MYO9A: variants seen among roughly 807,000 people sequenced by gnomAD.
The protein encoded by MYO9A is myosin IXA.
Under a neutral mutation model 293.3 loss-of-function variants are expected in MYO9A, and 103 were observed. That is an observed-to-expected ratio of 0.35 (90% confidence interval 0.30 to 0.41). The LOEUF is 0.41. Among genes scored for constraint, MYO9A ranks in the 10% least tolerant of loss-of-function variants. MYO9A has a pLI of 1.00. For synonymous variants in MYO9A, 1,001 were observed against 1,035.7 expected (o/e 0.97, Z 0.64); for missense variants, 2,685 against 3,033.0 (o/e 0.89, Z 2.69).
intron 32 of MYO9A, among the ~76,000 whole-genome samples, chr15:71,874,325 G>A (rs1437017235): frequency 6.6e-6 from 1 of 152,108 alleles, no homozygotes; most frequent in Non-Finnish European, 1.5e-5. Context: ...TCCAGGTTTT[G>A]TAGGCCCTAA....
At chr15:71,864,744 T>C (rs575574043) in intron 32 of MYO9A, among the ~76,000 whole-genome samples, 16 of 152,314 alleles carry the variant, frequency 1.1e-4, no homozygotes, top group African/African-American at 3.8e-4. Flanking sequence ...AGTGTATTAT[T>C]CTATTTACAT....
At chr15:71,998,485 A>ACCT (rs1459291089) in intron 9 of MYO9A, among the ~76,000 whole-genome samples, 1 of 152,080 alleles carries the variant, frequency 6.6e-6, no homozygotes, top group Non-Finnish European at 1.5e-5. Flanking sequence ...GTGAAAGAAA[A>ACCT]TGTAAAAAGC....
intron 1 of MYO9A, among the ~76,000 whole-genome samples, chr15:72,057,938 A>G (rs1596482309): frequency 6.6e-6 from 1 of 152,210 alleles, no homozygotes; most frequent in African/African-American, 2.4e-5. Flanking sequence ...AGAACCCATT[A>G]TAATGGGTAG....
At chr15:71,862,426 G>T in intron 33 of MYO9A, 74 bp downstream of exon 33, 1 of 1,155,870 alleles carries the variant, frequency 8.7e-7, no homozygotes, top group Non-Finnish European at 1.3e-6. Context: ...TTATGTTAAA[G>T]GAGATATAAG....
At chr15:71,880,831 T>C (rs2056851365) in intron 28 of MYO9A, among the ~76,000 whole-genome samples, 4 of 152,118 alleles carry the variant, frequency 2.6e-5, no homozygotes, top group Admixed American at 1.3e-4. Flanking sequence ...AAAACCTGGA[T>C]AGAAATGCTT....
Position 71,879,962 on chromosome 15 carries a change from G to A in MYO9A, c.5623-125C>T, listed in dbSNP as rs375861050. 35 of 665,818 alleles carry A rather than the reference G, an allele frequency of 5.3e-5. No homozygotes were observed. In the African/African-American group the frequency reaches 5.9e-4, roughly 11 times the overall value. The allele number at this position is 665,818 out of a possible 1,614,324, so 41.2% of individuals were successfully genotyped here. On this transcript the variant is annotated intron_variant, in intron 29 of 41. Coordinates refer to ENST00000356056, the MANE Select transcript of MYO9A (RefSeq NM_006901.4). Reference sequence around the variant, plus strand: ...AAAGTGCAAGCCACAGGCTATTATAGGACTCAGGTGAAAGTTATGACTAGA... The same window carrying A: ...AAAGTGCAAGCCACAGGCTATTATAAGACTCAGGTGAAAGTTATGACTAGA...
intron 1 of MYO9A, among the ~76,000 whole-genome samples, chr15:72,107,162 A>C (rs2080598418): frequency 6.6e-6 from 1 of 152,242 alleles, no homozygotes. Flanking sequence ...AAGAATTATC[A>C]AGATGATATC....
chr15:71,999,325 C>T (rs1227184458), intron 9 of MYO9A, among the ~76,000 whole-genome samples: 1 of 151,848 alleles, frequency 6.6e-6, no homozygotes, highest in Admixed American at 6.6e-5. Flanking sequence ...CCTCAGTATA[C>T]AGATGGTATT....
At chr15:71,895,699 A>G (rs1282439879) in intron 25 of MYO9A, among the ~76,000 whole-genome samples, 1 of 152,016 alleles carries the variant, frequency 6.6e-6, no homozygotes, top group African/African-American at 2.4e-5. Context: ...GTTTAATATA[A>G]TCTAATATAT....
chr15:71,854,211 C>T (rs2055772437), intron 35 of MYO9A, among the ~76,000 whole-genome samples, 166 bp downstream of exon 35: 1 of 151,984 alleles, frequency 6.6e-6, no homozygotes, highest in Admixed American at 6.5e-5. Flanking sequence ...CCAAATGAAA[C>T]CAAAGACTCT....
At chr15:71,890,277 G>C (rs1449476156) in intron 26 of MYO9A, 3 of 152,098 alleles carry the variant, frequency 2.0e-5, no homozygotes, top group African/African-American at 7.2e-5. Flanking sequence ...AGCAGTTTGG[G>C]GGGAATAATG....
At chr15:72,046,933 A>G (rs1179025337) in intron 1 of MYO9A, among the ~76,000 whole-genome samples, 3 of 152,216 alleles carry the variant, frequency 2.0e-5, no homozygotes, top group African/African-American at 7.2e-5. Flanking sequence ...AAATGTTTGT[A>G]AGGAACTTGG....
In MYO9A at chr15:71,897,684, T is replaced by G; in HGVS notation, c.4819A>C (p.Arg1607=). The stretch of plus-strand genomic sequence containing the variant: ...CTAGATTGGCATGGACTTCCTTTTC[T>G]TTCAAAGAACACGGTGACAGGTCGG... ...KDRPVTVFFE[R]KGSPCQSSTV... Residue 1607 remains arginine (R), a synonymous_variant, in exon 25 of 42, where the codon AGA becomes CGA. Coordinates refer to ENST00000356056, the MANE Select transcript of MYO9A (RefSeq NM_006901.4). 1 of 1,614,190 alleles carries G rather than the reference T, an allele frequency of 6.2e-7. No homozygotes were observed. Among genetic ancestry groups the G allele is most frequent in the Non-Finnish European group, 8.5e-7 (1 of 1,180,034 alleles).
chr15:71,926,954 C>A (rs1596211156), intron 18 of MYO9A, among the ~76,000 whole-genome samples: 2 of 150,848 alleles, frequency 1.3e-5, no homozygotes, highest in South Asian at 4.2e-4. Context: ...GGGACAGCGT[C>A]ATCAGGGGTG....
At chr15:71,844,918 G>A (rs527307653) in intron 39 of MYO9A, among the ~76,000 whole-genome samples, 4 of 152,240 alleles carry the variant, frequency 2.6e-5, no homozygotes, top group East Asian at 1.9e-4. Flanking sequence ...GAAAGTACAC[G>A]TTACTAGGGT....
At position 72,052,963 on chromosome 15, in the gene MYO9A, C is replaced by T. The variant is rs59903101; in HGVS notation, c.-71-6329G>A. ...GCCAGTGGCCACAGACGTTTCCAGC[C>T]TGAAAAGTATCACCCCAAGAAGTAT... On this transcript the variant is annotated intron_variant, in intron 1 of 41. Transcript: ENST00000356056. Among the ~76,000 whole-genome samples the T allele has an allele frequency of 3.4e-4, 52 of 152,204 alleles. No individual in the cohort carries two copies. The East Asian group carries it at 9.1e-3, about 27-fold the overall frequency.
intron 1 of MYO9A, among the ~76,000 whole-genome samples, chr15:72,050,985 T>C (rs2078543459): frequency 6.6e-6 from 1 of 152,256 alleles, no homozygotes; most frequent in South Asian, 2.1e-4. Flanking sequence ...CCTGATAGTC[T>C]TGCTCTTTTT....
chr15:71,898,812 G>T lies in MYO9A; in HGVS notation c.3691C>A (p.Pro1231Thr). The change falls in exon 25 of 42, where the codon CCA (proline) becomes ACA (threonine). Residue 1231 changes from proline to threonine, a missense_variant. Physicochemically the swap from Pro to Thr is conservative, Grantham distance 38. Transcript: ENST00000356056. ...ESSVDCLKES[P>T]NKQQERAQSQ... ...TGGGCTCTCTCCTGCTGCTTGTTTG[G>T]TGACTCCTTCAAGCAGTCCACTGAA... The T allele has an allele frequency of 6.2e-7, 1 of 1,614,120 alleles. No individual in the cohort carries two copies. The highest frequency in any genetic ancestry group is 8.5e-7 in the Non-Finnish European group (1 of 1,180,032).
At chr15:72,094,457 T>C (rs1240381950) in intron 1 of MYO9A, among the ~76,000 whole-genome samples, 2 of 91,624 alleles carry the variant, frequency 2.2e-5, no homozygotes, top group African/African-American at 5.2e-5. Flanking sequence ...TTCGTGTCTC[T>C]GTGTCAAATT....
Sources: allele counts gnomAD v4.1 joint callset (sites outside exome capture counted in the v4.1 genomes callset), GRCh38; gene constraint gnomAD v4.1.1; transcripts MANE v1.5; gene names NCBI Gene and HGNC (gene_info 2026-07-23, HGNC 2026-07-21).